Variants in EPHX2 observed in about 807,000 individuals in gnomAD.
EPHX2 encodes bifunctional epoxide hydrolase 2.
In EPHX2, 74 loss-of-function variants were observed where a neutral mutation model predicts 78.7. The ratio of observed to expected loss-of-function variants is 0.94; its 90% confidence interval spans 0.78 to 1.14. The LOEUF (loss-of-function observed/expected upper bound fraction) is 1.14. EPHX2 is among the 50% of genes most tolerant of loss of function. The probability of loss-of-function intolerance (pLI) is 0.00; values close to 1 mark genes in which losing one functional copy is unlikely to be tolerated. For missense variants in EPHX2, 715 were observed against 702.5 expected, an observed-to-expected ratio of 1.02 and a Z score of -0.20; for synonymous variants, 251 against 255.2, an observed-to-expected ratio of 0.98 and a Z score of 0.16.
chr8:27,526,195 C>T (rs1166035408), intron 12 of EPHX2, among the ~76,000 whole-genome samples: 10 of 152,238 alleles, frequency 6.6e-5, no homozygotes, highest in Non-Finnish European at 1.3e-4. Flanking sequence ...CACCTCTGCT[C>T]CTCTTAGGAG....
Position 27,511,857 on chromosome 8 carries a change from C to G in EPHX2, c.682C>G (p.Leu228Val). 6.2e-7 allele frequency: 1 copy of G among 1,614,226 alleles called. No individual in the cohort carries two copies. Among genetic ancestry groups the G allele is most frequent in the Non-Finnish European group, 8.5e-7 (1 of 1,180,040 alleles). The stretch of plus-strand genomic sequence containing the variant: ...ACAGCTTCTCAATACCCCGGCCCCT[C>G]TGCCGACCTCTTGCAATCCAAGTGA... ...GIQLLNTPAPLPTSCNPSDMS... is the reference protein window; with the variant it reads ...GIQLLNTPAPVPTSCNPSDMS... The change falls in exon 6 of 19, where the codon CTG becomes GTG. Residue 228 changes from leucine (L) to valine (V), a missense_variant. By Grantham distance (32) the Leu-to-Val change is conservative. Coordinates refer to ENST00000521400, the MANE Select transcript of EPHX2 (RefSeq NM_001979.6).
chr8:27,520,964 A>G, intron 10 of EPHX2, 55 bp downstream of exon 10: 1 of 1,610,766 alleles, frequency 6.2e-7, no homozygotes, highest in South Asian at 1.1e-5. Context: ...GGCCTGGGTA[A>G]TTAAAGAAAA....
intron 8 of EPHX2, among the ~76,000 whole-genome samples, chr8:27,517,529 T>C (rs1274061059): frequency 1.3e-5 from 2 of 152,218 alleles, no homozygotes; most frequent in Non-Finnish European, 2.9e-5. Context: ...AACAGTGTGA[T>C]ACAAACATAA....
At chr8:27,512,767 T>G (rs899806599) in intron 6 of EPHX2, among the ~76,000 whole-genome samples, 13 of 152,218 alleles carry the variant, frequency 8.5e-5, no homozygotes, top group African/African-American at 3.1e-4. Flanking sequence ...GTTTTGCCAC[T>G]TAACTGACAT....
At chr8:27,496,090 A>G (rs949236916) in intron 1 of EPHX2, among the ~76,000 whole-genome samples, 5 of 152,204 alleles carry the variant, frequency 3.3e-5, no homozygotes, top group Admixed American at 6.5e-5. Context: ...ACAAGCCAGT[A>G]TAGGCTGTAT....
intron 12 of EPHX2, 70 bp downstream of exon 12, chr8:27,525,543 T>C: frequency 7.6e-7 from 1 of 1,322,784 alleles, no homozygotes; most frequent in East Asian, 2.3e-5. Context: ...CTCCTTCTTA[T>C]TTGCTTTATC....
downstream of EPHX2, among the ~76,000 whole-genome samples, chr8:27,548,501 G>A (rs1207508793): frequency 6.6e-6 from 1 of 152,194 alleles, no homozygotes; most frequent in African/African-American, 2.4e-5. Flanking sequence ...GTTAGACTGT[G>A]AGGGCCCTGA....
intron 12 of EPHX2, among the ~76,000 whole-genome samples, chr8:27,535,822 C>T (rs1815193676): frequency 6.6e-6 from 1 of 152,162 alleles, no homozygotes; most frequent in South Asian, 2.1e-4. Context: ...ATCTCCTCCC[C>T]AGCCCTCAGC....
intron 14 of EPHX2, among the ~76,000 whole-genome samples, 191 bp from the exon 15 acceptor site, chr8:27,540,363 C>A (rs937761773): frequency 5.3e-5 from 8 of 152,052 alleles, no homozygotes; most frequent in African/African-American, 1.7e-4. Context: ...TCCAGTGTGA[C>A]CGTGAGATCA....
intron 4 of EPHX2, 37 bp downstream of exon 4, chr8:27,505,183 C>T (rs375295628): frequency 1.9e-6 from 3 of 1,605,200 alleles, no homozygotes; most frequent in African/African-American, 1.3e-5. Flanking sequence ...GAAGGATGTT[C>T]AGAGATATTG....
chr8:27,548,593 G>A (rs573677454), downstream of EPHX2, among the ~76,000 whole-genome samples: 6 of 152,314 alleles, frequency 3.9e-5, no homozygotes, highest in East Asian at 3.9e-4. Flanking sequence ...CTCATTAGAC[G>A]TTTGCTGAAT....
Position 27,510,634 on chromosome 8 carries a change from C to A in EPHX2, c.661-1202C>A, listed in dbSNP as rs1017732733. Among the ~76,000 whole-genome samples, 26 of 152,274 alleles carry A rather than the reference C, an allele frequency of 1.7e-4. 1 individual carries two copies. Among genetic ancestry groups the A allele is most frequent in the African/African-American group, 6.3e-4 (26 of 41,562 alleles). On this transcript the variant is annotated intron_variant, in intron 5 of 18. Transcript: ENST00000521400. ...TCAGGTCACAAGGCTGAGCCCTAAT[C>A]TCATCTGACTGGTCTCTTTAGAAGA...
chr8:27,538,554 G>A (rs895499736), intron 13 of EPHX2, 105 bp from the exon 14 acceptor site: 1 of 1,048,132 alleles, frequency 9.5e-7, no homozygotes. Context: ...GTTTTCAGAT[G>A]AGCATATTTC....
At chr8:27,491,497 A>G (rs945860335) in intron 1 of EPHX2, among the ~76,000 whole-genome samples, 188 bp downstream of exon 1, 15 of 152,268 alleles carry the variant, frequency 9.9e-5, no homozygotes, top group African/African-American at 3.6e-4. Context: ...CTAAATGTTC[A>G]TAATTAAACG....
intron 14 of EPHX2, 39 bp from the exon 15 acceptor site, chr8:27,540,515 C>T: frequency 6.3e-7 from 1 of 1,590,828 alleles, no homozygotes; most frequent in Non-Finnish European, 8.6e-7. Flanking sequence ...AGACACCTGG[C>T]CCGGGGATGG....
chr8:27,520,027 C>A (rs1456278441), intron 9 of EPHX2, among the ~76,000 whole-genome samples: 2 of 149,838 alleles, frequency 1.3e-5, no homozygotes, highest in Non-Finnish European at 3.0e-5. Flanking sequence ...TTTTAATAAG[C>A]AACAGGGTCT....
intron 12 of EPHX2, among the ~76,000 whole-genome samples, chr8:27,525,700 G>C (rs1280966955): frequency 6.6e-6 from 1 of 151,556 alleles, no homozygotes; most frequent in Admixed American, 6.5e-5. Context: ...GGGGGATGTT[G>C]TACCCTGGGG....
chr8:27,537,347 A>G (rs948491959), intron 13 of EPHX2, among the ~76,000 whole-genome samples: 4 of 152,174 alleles, frequency 2.6e-5, no homozygotes, highest in African/African-American at 9.7e-5. Context: ...TCTTCCTGAA[A>G]CATCCCCTTT....
intron 4 of EPHX2, 43 bp from the exon 5 acceptor site, chr8:27,506,829 G>T (rs1241805763): frequency 6.3e-7 from 1 of 1,598,588 alleles, no homozygotes; most frequent in Admixed American, 1.7e-5. Flanking sequence ...TTGCATTCTG[G>T]TGAGTTTCTT....
Sources: gnomAD v4.1 joint callset for allele counts (sites outside exome capture counted in the v4.1 genomes callset) on GRCh38, gnomAD v4.1.1 for gene constraint, MANE v1.5 for transcripts, NCBI Gene and HGNC (gene_info 2026-07-23, HGNC 2026-07-21) for gene names.